Variants in RBFOX1 observed in about 807,000 individuals in gnomAD.
RBFOX1 encodes the protein RNA binding protein fox-1 homolog 1.
In RBFOX1, 8 loss-of-function variants were observed where a neutral mutation model predicts 57.7. The ratio of observed to expected loss-of-function variants is 0.14; its 90% CI spans 0.08 to 0.25. The LOEUF is 0.25. Among genes scored for constraint, RBFOX1 ranks in the 10% least tolerant of loss-of-function variants. RBFOX1 has a pLI of 1.00. For missense variants in RBFOX1, 611 were observed against 548.5 expected, an observed-to-expected ratio of 1.11 and a Z score of -1.14; for synonymous variants, 326 against 222.4, an observed-to-expected ratio of 1.47 and a Z score of -4.15.
At chr16:6,631,998 G>A (rs1033337722) in intron 2 of RBFOX1, among the ~76,000 whole-genome samples, 2 of 152,130 alleles carry the variant, frequency 1.3e-5, no homozygotes, top group African/African-American at 4.8e-5. Flanking sequence ...AGGCCATTAG[G>A]GTTTCAAATA....
Position 6,363,800 on chromosome 16 carries a change from C to G in RBFOX1, c.-64+46743C>G, listed in dbSNP as rs1485282779. 2.6e-5 allele frequency among the ~76,000 whole-genome samples: 4 copies of G among 152,222 alleles called. No individual in the cohort carries two copies. The South Asian group carries it at 6.2e-4, about 24-fold the overall frequency. The stretch of plus-strand genomic sequence containing the variant: ...ATAATTGTGTCCATGTAAAATCAGA[C>G]CCTCTTGTTACTTTTTAATGAAGTC... On this transcript the variant is annotated intron_variant, in intron 2 of 15. Transcript: ENST00000550418.
rs569686640 is a variant in RBFOX1, at chr16:7,540,634, C to T, written c.270+22245C>T. Among the ~76,000 whole-genome samples the T allele has an allele frequency of 3.9e-5, 6 of 152,206 alleles. No homozygotes were observed. In the South Asian group the frequency reaches 8.3e-4, roughly 21 times the overall value. On this transcript the variant is annotated intron_variant, in intron 5 of 15. Transcript: ENST00000550418. ...TGTTGTCATGGACATAAAAGATGTCCGTAAACCTGCTCATGATAGTCATGA... is the reference window on the plus strand; with the variant it reads ...TGTTGTCATGGACATAAAAGATGTCTGTAAACCTGCTCATGATAGTCATGA...
chr16:7,283,509 G>A (rs1358728462), intron 4 of RBFOX1, among the ~76,000 whole-genome samples: 3 of 151,908 alleles, frequency 2.0e-5, no homozygotes, highest in East Asian at 2.0e-4. Flanking sequence ...GAGGAAATTG[G>A]TTGACACTTC....
intron 1 of RBFOX1, among the ~76,000 whole-genome samples, chr16:5,257,638 G>C (rs1170817203): frequency 6.6e-6 from 1 of 152,194 alleles, no homozygotes; most frequent in Non-Finnish European, 1.5e-5. Context: ...TAGTGAGGAA[G>C]ATCACTGTGT....
At chr16:6,309,917 G>A (rs1466493191) in intron 1 of RBFOX1, among the ~76,000 whole-genome samples, 1 of 152,210 alleles carries the variant, frequency 6.6e-6, no homozygotes, top group African/African-American at 2.4e-5. Context: ...AGCATTTTGA[G>A]ACAGAGTCTC....
intron 1 of RBFOX1, among the ~76,000 whole-genome samples, chr16:6,199,267 T>G (rs1195526848): frequency 6.6e-6 from 1 of 152,194 alleles, no homozygotes; most frequent in Non-Finnish European, 1.5e-5. Flanking sequence ...GTAAAATAGG[T>G]GTATGTTCAC....
At chr16:7,310,626 C>T (rs1812206524) in intron 4 of RBFOX1, among the ~76,000 whole-genome samples, 2 of 152,314 alleles carry the variant, frequency 1.3e-5, no homozygotes, top group Admixed American at 6.5e-5. Context: ...GCCAATCTAC[C>T]CATTACCAGA....
chr16:5,519,696 G>T (rs980110399), intron 2 of RBFOX1, among the ~76,000 whole-genome samples: 1 of 152,212 alleles, frequency 6.6e-6, no homozygotes, highest in Non-Finnish European at 1.5e-5. Flanking sequence ...CTGCACTCCA[G>T]CCTGAATGAT....
intron 3 of RBFOX1, among the ~76,000 whole-genome samples, chr16:5,755,125 G>C (rs1422821490): frequency 1.0e-5 from 1 of 99,870 alleles, no homozygotes; most frequent in Non-Finnish European, 2.0e-5. Flanking sequence ...GGAGCATGCT[G>C]CCTTCAAGCA....
chr16:6,917,942 A>G (rs967736366), intron 3 of RBFOX1, among the ~76,000 whole-genome samples: 5 of 152,122 alleles, frequency 3.3e-5, no homozygotes, highest in Non-Finnish European at 7.4e-5. Context: ...TTCTTACTCA[A>G]CCTAAGTCTC....
chr16:7,412,511 GC>G (rs1476285234), intron 4 of RBFOX1, among the ~76,000 whole-genome samples: 7 of 151,832 alleles, frequency 4.6e-5, no homozygotes, highest in African/African-American at 1.7e-4. Context: ...AAAGTATGCT[GC>G]AATTAAAATT....
downstream of RBFOX1, among the ~76,000 whole-genome samples, chr16:5,600,827 C>T (rs886958985): frequency 3.9e-5 from 6 of 152,300 alleles, no homozygotes; most frequent in South Asian, 4.1e-4. Flanking sequence ...ACTTTCTTAT[C>T]CCACTTTTCA....
At chr16:7,326,073 T>G (rs866706997) in intron 4 of RBFOX1, among the ~76,000 whole-genome samples, 1 of 152,140 alleles carries the variant, frequency 6.6e-6, no homozygotes, top group Non-Finnish European at 1.5e-5. Flanking sequence ...TTGTTTAACC[T>G]TGGACAAGTC....
chr16:7,209,846 G>T (rs2090765173), intron 4 of RBFOX1, among the ~76,000 whole-genome samples: 1 of 152,108 alleles, frequency 6.6e-6, no homozygotes, highest in Non-Finnish European at 1.5e-5. Context: ...TCTCTCCAGG[G>T]AAGCTGAAGT....
At chr16:6,709,311 T>C (rs1664913188) in intron 3 of RBFOX1, among the ~76,000 whole-genome samples, 1 of 152,144 alleles carries the variant, frequency 6.6e-6, no homozygotes, top group Non-Finnish European at 1.5e-5. Flanking sequence ...GGCAAGGAGC[T>C]AAATTCTCCG....
chr16:5,684,906 A>G (rs2050456989), intron 3 of RBFOX1, among the ~76,000 whole-genome samples: 2 of 152,162 alleles, frequency 1.3e-5, no homozygotes, highest in Non-Finnish European at 2.9e-5. Context: ...TCCAGGCATC[A>G]GGGAGCTCTC....
At position 6,201,951 on chromosome 16, in the gene RBFOX1, C is replaced by T. The variant is rs188969952; in HGVS notation, c.-126-115044C>T. Among the ~76,000 whole-genome samples, 9 of 152,204 alleles carry T rather than the reference C, an allele frequency of 5.9e-5. No individual in the cohort carries two copies. The East Asian group carries it at 1.7e-3, about 29-fold the overall frequency. On this transcript the variant is annotated intron_variant, in intron 1 of 15. Coordinates refer to ENST00000550418, the MANE Select transcript of RBFOX1 (RefSeq NM_018723.4). Reference sequence around the variant, plus strand: ...AGATGGGGCATAAATATTGAGGGTCCCCTAGGTCAACTCAGGTCCCCATTG... The same window carrying T: ...AGATGGGGCATAAATATTGAGGGTCTCCTAGGTCAACTCAGGTCCCCATTG...
chr16:6,265,035 G>A (rs1199809084), intron 1 of RBFOX1, among the ~76,000 whole-genome samples: 3 of 152,078 alleles, frequency 2.0e-5, no homozygotes, highest in Non-Finnish European at 4.4e-5. Flanking sequence ...CCAATATTGT[G>A]GGTGGGGCTG....
chr16:6,794,280 A>AT (rs372963833), intron 3 of RBFOX1, among the ~76,000 whole-genome samples: 14,976 of 125,104 alleles, frequency 0.12, 1,029 homozygotes, highest in East Asian at 0.25. Context: ...CTTGTTCGTG[A>AT]TTTTTTTTTT....
Sources: gnomAD v4.1 joint callset for allele counts (sites outside exome capture counted in the v4.1 genomes callset) on GRCh38, gnomAD v4.1.1 for gene constraint, MANE v1.5 for transcripts, NCBI Gene and HGNC (gene_info 2026-07-23, HGNC 2026-07-21) for gene names.